SLU7: variants seen among roughly 807,000 people sequenced by gnomAD.
SLU7 encodes pre-mRNA-splicing factor SLU7.
SLU7 carries 60 observed loss-of-function variants against 87.0 expected under a neutral mutation model. The ratio of observed to expected loss-of-function variants is 0.69; its 90% CI spans 0.56 to 0.86. The LOEUF is 0.86. SLU7 is among the 40% of genes least tolerant of loss of function. The pLI, the probability that SLU7 is intolerant of heterozygous loss-of-function variation, is 0.00. For synonymous variants in SLU7, 197 were observed against 222.0 expected, an observed-to-expected ratio of 0.89 and a Z score of 1.00; for missense variants, 507 against 686.6, an observed-to-expected ratio of 0.74 and a Z score of 2.92.
rs764843710 is a variant in SLU7 at position 160,412,451 on chromosome 5, A to G, written c.639T>C (p.Ala213=). The G allele has an allele frequency of 6.6e-7, 1 of 1,511,610 alleles. No homozygotes were observed. Among genetic ancestry groups the G allele is most frequent in the African/African-American group, 1.4e-5 (1 of 71,564 alleles). The allele number at this position is 1,511,610 out of a possible 1,614,324, so 93.6% of individuals were successfully genotyped here. Residue 213 remains alanine (A), a splice_region_variant and synonymous_variant, in exon 6 of 16, where the codon GCT becomes GCC. Coordinates refer to ENST00000297151, the MANE Select transcript of SLU7 (RefSeq NM_006425.5). ...TTTATTGATCATTTTCATTACTTAC[A>G]GCCTGTTCCACTAATTTTCCTGAGG... ...ELASGKLVEQ[A]NSPKHQWGEE...
intron 2 of SLU7, 103 bp downstream of exon 2, chr5:160,415,013 AAAATGACAT>A (rs1324874199): frequency 6.4e-6 from 6 of 934,112 alleles, no homozygotes; most frequent in Non-Finnish European, 9.4e-6. Flanking sequence ...ATAAAAAACA[AAAATGACAT>A]AAATGAAGAG....
chr5:160,410,869 A>AC (rs1480636707), intron 6 of SLU7, among the ~76,000 whole-genome samples: 1 of 107,084 alleles, frequency 9.3e-6, no homozygotes, highest in Non-Finnish European at 2.0e-5. Context: ...AGGCAAATTC[A>AC]CTTTTTTTTT....
At chr5:160,404,198 T>C (rs953806433) in intron 15 of SLU7, among the ~76,000 whole-genome samples, 24 of 152,162 alleles carry the variant, frequency 1.6e-4, no homozygotes, top group African/African-American at 5.6e-4. Context: ...ATCCTGGCTC[T>C]ATAAAAAAAT....
At chr5:160,403,492 C>G in intron 15 of SLU7, 28 bp from the exon 16 acceptor site, 1 of 1,549,998 alleles carries the variant, frequency 6.5e-7, no homozygotes, top group Non-Finnish European at 8.7e-7. Flanking sequence ...AAATGTGTAT[C>G]ACAGCTCTAC....
At position 160,404,482 on chromosome 5, in the gene SLU7, T is replaced by G. The variant is rs191473843; in HGVS notation, c.1539A>C (p.Ser513=). Residue 513 remains serine (S), a synonymous_variant, in exon 15 of 16, where the codon TCA becomes TCC. Coordinates refer to ENST00000297151, the MANE Select transcript of SLU7 (RefSeq NM_006425.5). ...GCTTCTTTTCTTCATCATCACTATC[T>G]GAACTGCTCTTTCGATGCTTCTTCT... The part of the protein sequence containing the change: ...KKKKKHRKSS[S]DSDDEEKKHE... The G allele has an allele frequency of 1.2e-6, 2 of 1,611,418 alleles. No homozygotes were observed. The highest frequency in any genetic ancestry group is 2.7e-5 in the African/African-American group (2 of 74,840).
chr5:160,407,747 C>G lies in SLU7; in HGVS notation c.984G>C (p.Gln328His). The G allele has an allele frequency of 6.2e-7, 1 of 1,612,126 alleles. No individual in the cohort carries two copies. The highest frequency in any genetic ancestry group is 8.5e-7 in the Non-Finnish European group (1 of 1,178,410). The change falls in exon 10 of 16, where the codon CAG becomes CAC. Residue 328 changes from glutamine (Q) to histidine (H), a missense_variant and splice_region_variant. Physicochemically the swap from Gln to His is conservative, Grantham distance 24. Coordinates refer to ENST00000297151, the MANE Select transcript of SLU7 (RefSeq NM_006425.5). This position sits in a 1 kb window ranked among gnomAD's most constrained non-coding sequence, Gnocchi z 4.2. Reference protein sequence around the residue: ...TGDTISMAQTQLFAWEAYDKG... With the variant: ...TGDTISMAQTHLFAWEAYDKG... The stretch of plus-strand genomic sequence containing the variant: ...GCTTGACATAGAGGAAACACTTACA[C>G]TGTGTCTGAGCCATTGAAATGGTAT...
Position 160,412,622 on chromosome 5 carries a change from T to C in SLU7, c.571-103A>G, listed in dbSNP as rs1765289178. ...TAAATTTTTATATATTTAAAATGAA[T>C]AACTTTAAATTAATTTATTTCAGAA... On this transcript the variant is annotated intron_variant, in intron 5 of 15. Transcript: ENST00000297151. 4.4e-6 allele frequency: 3 copies of C among 686,740 alleles called. No individual in the cohort carries two copies. In the South Asian group the frequency reaches 5.9e-5, roughly 13 times the overall value. The allele number at this position is 686,740 out of a possible 1,614,324, so 42.5% of individuals were successfully genotyped here.
At chr5:160,415,440 G>A in intron 1 of SLU7, 130 bp from the exon 2 acceptor site, 1 of 581,286 alleles carries the variant, frequency 1.7e-6, no homozygotes, top group Non-Finnish European at 2.7e-6. Context: ...TGTAAGGAAG[G>A]GTCTCTTCCC....
Position 160,413,905 on chromosome 5 carries a change from G to T in SLU7, c.399C>A (p.Cys133Ter). Residue 133 changes from cysteine to a stop codon, truncating the protein, a stop_gained, in exon 4 of 16, where the codon TGC (cysteine) becomes TGA (stop). Coordinates refer to ENST00000297151, the MANE Select transcript of SLU7 (RefSeq NM_006425.5). LOFTEE classifies it high-confidence loss of function. Reference protein sequence around the residue: ...CGAMTHKKKDCFERPRRVGAK... With the variant: ...CGAMTHKKKD ...TTTTCAAAGGTGAACTTACCTCAAA[G>T]CAGTCTTTCTTTTTGTGTGTCATGG... The T allele has an allele frequency of 1.3e-6, 2 of 1,590,108 alleles. No homozygotes were observed. Among genetic ancestry groups the T allele is most frequent in the Non-Finnish European group, 1.7e-6 (2 of 1,170,754 alleles).
At position 160,406,479 on chromosome 5, in the gene SLU7, G is replaced by A; in HGVS notation, c.1276C>T (p.His426Tyr). The change falls in exon 12 of 16, where the codon CAC (histidine) becomes TAC (tyrosine). Residue 426 changes from histidine (H) to tyrosine (Y), a missense_variant. Transcript: ENST00000297151. ...CSKYEEDVKI[H>Y]NHTHIWGSYW... ...AGTTTAGCACATACTGTGTGATTGT[G>A]GATCTTCACATCCTCCTCATACTTA... is the stretch of plus-strand genomic sequence containing the variant. 1 of 1,608,472 alleles carries A rather than the reference G, an allele frequency of 6.2e-7. No individual in the cohort carries two copies. The highest frequency in any genetic ancestry group is 8.5e-7 in the Non-Finnish European group (1 of 1,178,122).
chr5:160,413,999 A>G lies in SLU7; in HGVS notation c.325-20T>C, dbSNP rs773338815. ...GGAATTCTATAAATATATATAAAGA[A>G]AAACAAAAATGTCTTAACCACGTAA... On this transcript the variant is annotated intron_variant, in intron 3 of 15. Transcript: ENST00000297151. 3.5e-6 allele frequency: 5 copies of G among 1,425,904 alleles called. No homozygotes were observed. The East Asian group carries it at 9.7e-5, about 28-fold the overall frequency. 88.3% of individuals were successfully genotyped at this position (1,425,904 alleles called of 1,614,324 possible). A position where few individuals can be genotyped will look rare whatever the true frequency, so the allele number is the denominator to read the frequency against.
chr5:160,405,258 ATT>A, intron 12 of SLU7, 123 bp from the exon 13 acceptor site: 1 of 668,198 alleles, frequency 1.5e-6, no homozygotes, highest in Non-Finnish European at 2.6e-6. Flanking sequence ...AATTATGGGG[ATT>A]CAAGGCTGGC....
intron 6 of SLU7, 50 bp from the exon 7 acceptor site, chr5:160,408,747 C>T (rs772299670): frequency 1.3e-6 from 1 of 795,098 alleles, no homozygotes; most frequent in East Asian, 3.1e-5. Flanking sequence ...CCACTTAATC[C>T]AATTAACTTT....
rs760816904 is a variant in SLU7 at position 160,414,450 on chromosome 5, G to A, written c.193C>T (p.Gln65Ter). 1.3e-6 allele frequency: 2 copies of A among 1,582,718 alleles called. No homozygotes were observed. The highest frequency in any genetic ancestry group is 1.7e-6 in the Non-Finnish European group (2 of 1,164,918). ...EGKDINPHIP[Q>*]YISSVPWYID... is the part of the protein sequence containing the mutation. ...TACCATGGCACTGAAGAAATATACT[G>A]AGGAATATGGGGGTTGATGTCTCTG... The change falls in exon 3 of 16, where the codon CAG (glutamine) becomes TAG (stop). Residue 65 changes from glutamine (Q) to a stop codon, truncating the protein, a stop_gained. Transcript: ENST00000297151. LOFTEE classifies it high-confidence loss of function.
rs780360850 is a variant in SLU7 at position 160,415,335 on chromosome 5, G to GT, written c.-16-26dup. 7 of 1,507,450 alleles carry GT rather than the reference G, an allele frequency of 4.6e-6. No homozygotes were observed. The East Asian group carries it at 1.4e-4, about 31-fold the overall frequency. 93.4% of individuals were successfully genotyped at this position (1,507,450 alleles called of 1,614,324 possible). On this transcript the variant is annotated intron_variant, in intron 1 of 15. Transcript: ENST00000297151. ...TCTAGGAAAAGAAGTGAAACTTACA[G>GT]TAAAAAGTAGGCCTTCATGAATTCA...
intron 1 of SLU7, chr5:160,417,333 T>C (rs995599625): frequency 6.6e-6 from 1 of 152,024 alleles, no homozygotes; most frequent in Non-Finnish European, 1.5e-5. Context: ...AAATTACTTT[T>C]ACAAGATTTT....
chr5:160,407,435 C>A lies in SLU7; in HGVS notation c.1125+41G>T. On this transcript the variant is annotated intron_variant, in intron 11 of 15. Transcript: ENST00000297151. This position sits in a 1 kb window ranked among gnomAD's most constrained non-coding sequence, Gnocchi z 4.2. ...TAACGCTTATTAACTAGTAACTTCT[C>A]TTTAACAGAAGTTCTTCTTTAGCAT... The A allele has an allele frequency of 6.4e-7, 1 of 1,566,968 alleles. No homozygotes were observed. The highest frequency in any genetic ancestry group is 8.7e-7 in the Non-Finnish European group (1 of 1,154,182).
chr5:160,405,139 C>G lies in SLU7; in HGVS notation c.1288-4G>C, dbSNP rs770342536. On this transcript the variant is annotated splice_region_variant and splice_polypyrimidine_tract_variant and intron_variant, in intron 12 of 15. Transcript: ENST00000297151. Reference sequence around the variant, plus strand: ...TCCAGTACGATCCCCAGATATGCTGCAGAGAGAGAAATTAAAAAGCTTAAA... The same window carrying G: ...TCCAGTACGATCCCCAGATATGCTGGAGAGAGAGAAATTAAAAAGCTTAAA... 1 of 1,597,308 alleles carries G rather than the reference C, an allele frequency of 6.3e-7. No homozygotes were observed. Among genetic ancestry groups the G allele is most frequent in the Non-Finnish European group, 8.6e-7 (1 of 1,165,958 alleles).
rs1581072770 is a variant in SLU7, at chr5:160,413,826, G to T, written c.405+73C>A. The T allele has an allele frequency of 3.5e-6, 4 of 1,157,324 alleles. No homozygotes were observed. The East Asian group carries it at 9.6e-5, about 28-fold the overall frequency. The allele number at this position is 1,157,324 out of a possible 1,614,324, so 71.7% of individuals were successfully genotyped here. ...AAATATAGGTGATTTCAGAAAAAGA[G>T]AAGTTAGCTCTCTGACAAAGAAAAA... is the stretch of plus-strand genomic sequence containing the variant. On this transcript the variant is annotated intron_variant, in intron 4 of 15. Transcript: ENST00000297151.
Sources: gnomAD v4.1 joint callset for allele counts (sites outside exome capture counted in the v4.1 genomes callset) on GRCh38, gnomAD v4.1.1 for gene constraint, Gnocchi (gnomAD v3.1) non-coding constraint, MANE v1.5 for transcripts, NCBI Gene and HGNC (gene_info 2026-07-23, HGNC 2026-07-21) for gene names.